Variants in ENPP2 observed in about 807,000 individuals in gnomAD.
ENPP2 encodes ectonucleotide pyrophosphatase/phosphodiesterase 2.
A neutral mutation model predicts 120.2 loss-of-function variants in ENPP2; 51 were observed. That is an observed-to-expected ratio of 0.42 (90% confidence interval 0.34 to 0.54). The LOEUF (loss-of-function observed/expected upper bound fraction) is 0.54, where lower values mean the gene tolerates loss of function less well. Ranked by LOEUF, ENPP2 falls within the 20% of genes least tolerant of loss-of-function variation. The pLI is 0.04. For missense variants in ENPP2, 920 were observed against 1,066.5 expected (o/e 0.86, Z 1.91); for synonymous variants, 365 against 366.4 (o/e 1.00, Z 0.04).
At chr8:119,580,027 T>C in intron 19 of ENPP2, 89 bp downstream of exon 19, 1 of 863,020 alleles carries the variant, frequency 1.2e-6, no homozygotes, top group Non-Finnish European at 2.0e-6. Context: ...TAAACAATAT[T>C]GTGCTTACAC....
intron 1 of ENPP2, among the ~76,000 whole-genome samples, chr8:119,650,657 CAGG>C (rs1379471198): frequency 1.3e-5 from 2 of 152,138 alleles, no homozygotes; most frequent in East Asian, 3.8e-4. Flanking sequence ...TGATGATTAA[CAGG>C]AGGACTGATG....
intron 1 of ENPP2, among the ~76,000 whole-genome samples, chr8:119,667,322 A>G (rs967428660): frequency 5.3e-5 from 8 of 152,178 alleles, no homozygotes; most frequent in Non-Finnish European, 8.8e-5. Flanking sequence ...CTTTGCTTAA[A>G]TTTCTCTGTG....
chr8:119,666,245 C>A (rs1260257741), intron 1 of ENPP2, among the ~76,000 whole-genome samples: 1 of 151,872 alleles, frequency 6.6e-6, no homozygotes, highest in Non-Finnish European at 1.5e-5. Context: ...TTTTTTTCCA[C>A]AAAATGCATC....
chr8:119,644,587 AATATATATATATATATAT>A lies in ENPP2; in HGVS notation c.22-6078_22-6061del, dbSNP rs33966650. Among the ~76,000 whole-genome samples, 6 of 59,978 alleles carry A rather than the reference AATATATATATATATATAT, an allele frequency of 1.0e-4. No individual in the cohort carries two copies. The South Asian group carries it at 1.8e-3, about 18-fold the overall frequency. The allele number at this position is 59,978 out of a possible 152,430, so 39.3% of individuals were successfully genotyped here. On this transcript the variant is annotated intron_variant, in intron 1 of 25. Coordinates refer to the ENPP2 transcript ENST00000427067. ...TTCTGCTGTGACTGGAGATTACTAA[AATATATATATATATATAT>A]ATATATATATATATATATATACACA...
chr8:119,582,610 A>G lies in ENPP2; in HGVS notation c.1544-8T>C. On this transcript the variant is annotated splice_region_variant and splice_polypyrimidine_tract_variant and intron_variant, in intron 17 of 24. Coordinates refer to ENST00000075322, the MANE Select transcript of ENPP2 (RefSeq NM_001040092.3). ...GCTTCAATCCCAGGAGATCTAATGA[A>G]AATTAAGAAAAGGAGGCAGGTGCTT... is the stretch of plus-strand genomic sequence containing the variant. 2 of 1,601,120 alleles carry G rather than the reference A, an allele frequency of 1.2e-6. No individual in the cohort carries two copies. The highest frequency in any genetic ancestry group is 2.2e-5 in the South Asian group (2 of 90,234).
chr8:119,596,071 C>T, intron 11 of ENPP2: 2 of 1,450,434 alleles, frequency 1.4e-6, no homozygotes, highest in Non-Finnish European at 9.5e-7. Flanking sequence ...ATAAAGCTTA[C>T]ACTTTCCCAT....
At position 119,563,124 on chromosome 8, in the gene ENPP2, C is replaced by T. The variant is rs1814110964; in HGVS notation, c.2265-111G>A. The stretch of plus-strand genomic sequence containing the variant: ...TAAGTCACTAAAATTAATCCCCATT[C>T]AATTGAATCATTTTTCACTTCTAAG... On this transcript the variant is annotated intron_variant, in intron 23 of 24. Coordinates refer to ENST00000075322, the MANE Select transcript of ENPP2 (RefSeq NM_001040092.3). The T allele has an allele frequency of 3.6e-6, 3 of 842,420 alleles. No individual in the cohort carries two copies. The South Asian group carries it at 5.5e-5, about 16-fold the overall frequency. The allele number at this position is 842,420 out of a possible 1,614,324, so 52.2% of individuals were successfully genotyped here.
At chr8:119,636,782 A>T (rs1054339505) in intron 2 of ENPP2, among the ~76,000 whole-genome samples, 26 of 147,768 alleles carry the variant, frequency 1.8e-4, no homozygotes, top group African/African-American at 6.2e-4. Context: ...AATTCCTGGG[A>T]TTTTTTTTTT....
At position 119,627,303 on chromosome 8, in the gene ENPP2, C is replaced by T. The variant is rs574597581; in HGVS notation, c.137-583G>A. On this transcript the variant is annotated intron_variant, in intron 2 of 24. Transcript: ENST00000075322. ...TATAATCTGGGCTTCTCAAAAAACT[C>T]CTCCATCAATATTTTCACATGATAT... 3.5e-4 allele frequency among the ~76,000 whole-genome samples: 53 copies of T among 152,148 alleles called. 1 individual carries two copies. In the South Asian group the frequency reaches 8.3e-3, roughly 24 times the overall value.
intron 9 of ENPP2, among the ~76,000 whole-genome samples, chr8:119,603,269 T>C (rs1051631837): frequency 6.6e-6 from 1 of 152,128 alleles, no homozygotes; most frequent in African/African-American, 2.4e-5. Context: ...TTATACTTTA[T>C]TTCACTACCT....
intron 9 of ENPP2, among the ~76,000 whole-genome samples, chr8:119,603,753 T>G (rs1295369040): frequency 6.6e-6 from 1 of 152,206 alleles, no homozygotes; most frequent in Non-Finnish European, 1.5e-5. Context: ...ACAAAATATT[T>G]GTTAAGGGCA....
At chr8:119,617,112 T>C (rs1423046755) in intron 7 of ENPP2, 52 bp downstream of exon 7, 1 of 1,124,142 alleles carries the variant, frequency 8.9e-7, no homozygotes, top group Admixed American at 1.7e-5. Flanking sequence ...TTTAAAGTCA[T>C]TCCAGGATGA....
At chr8:119,579,536 G>A (rs187739844) in intron 19 of ENPP2, among the ~76,000 whole-genome samples, 2 of 151,312 alleles carry the variant, frequency 1.3e-5, no homozygotes, top group East Asian at 1.9e-4. Context: ...AAATGGGAGC[G>A]AGAAACGCCT....
intron 4 of ENPP2, among the ~76,000 whole-genome samples, chr8:119,619,955 CTTAAA>C (rs1815769726): frequency 1.3e-5 from 2 of 151,958 alleles, no homozygotes; most frequent in Admixed American, 6.6e-5. Flanking sequence ...AAGAATTTGC[CTTAAA>C]TTATTTTAAG....
At chr8:119,623,924 C>A (rs1816091562) in intron 3 of ENPP2, among the ~76,000 whole-genome samples, 1 of 152,142 alleles carries the variant, frequency 6.6e-6, no homozygotes, top group Non-Finnish European at 1.5e-5. Context: ...CTATGCCCAG[C>A]CATTCTAATT....
At chr8:119,639,089 CAG>C (rs958052964), upstream of ENPP2, among the ~76,000 whole-genome samples, 15 of 152,246 alleles carry the variant, frequency 9.9e-5, no homozygotes, top group African/African-American at 3.4e-4. Flanking sequence ...TGGCCCATAA[CAG>C]TGCATGTTCA....
chr8:119,565,436 C>T (rs1034268015), intron 22 of ENPP2, among the ~76,000 whole-genome samples: 2 of 152,128 alleles, frequency 1.3e-5, no homozygotes, highest in African/African-American at 4.8e-5. Context: ...GTTATCCAAC[C>T]ACCTACCTCC....
At chr8:119,587,899 A>G (rs1009016002) in intron 13 of ENPP2, among the ~76,000 whole-genome samples, 27 of 152,224 alleles carry the variant, frequency 1.8e-4, no homozygotes, top group Admixed American at 7.9e-4. Context: ...AGCAACTATC[A>G]TGAGGCAGCC....
rs1317334557 is a variant in ENPP2, at chr8:119,601,477, C to T, written c.834-15G>A. On this transcript the variant is annotated splice_polypyrimidine_tract_variant and intron_variant, in intron 9 of 24. Coordinates refer to ENST00000075322, the MANE Select transcript of ENPP2 (RefSeq NM_001040092.3). ...GAGGGATGACACTGGAGGGTAAAAG[C>T]AAGCAAAGCATGTTGTTAGGTTTCA... 6.2e-7 allele frequency: 1 copy of T among 1,608,250 alleles called. No homozygotes were observed. The highest frequency in any genetic ancestry group is 2.2e-5 in the East Asian group (1 of 44,804).
Sources: gnomAD v4.1 joint callset for allele counts (sites outside exome capture counted in the v4.1 genomes callset) on GRCh38, gnomAD v4.1.1 for gene constraint, MANE v1.5 for transcripts, NCBI Gene and HGNC (gene_info 2026-07-23, HGNC 2026-07-21) for gene names.